FBXW2: variants seen among roughly 807,000 people sequenced by gnomAD.
FBXW2 encodes F-box/WD repeat-containing protein 2.
In FBXW2, 12 loss-of-function variants were observed where a neutral mutation model predicts 46.0. The ratio of observed to expected loss-of-function variants is 0.26; its 90% CI spans 0.17 to 0.42. The LOEUF is 0.42. Ranked by LOEUF, FBXW2 falls within the 10% of genes least tolerant of loss-of-function variation. The pLI, the probability that FBXW2 is intolerant of heterozygous loss-of-function variation, is 1.00. For synonymous variants in FBXW2, 203 were observed against 209.6 expected, an observed-to-expected ratio of 0.97 and a Z score of 0.27; for missense variants, 360 against 537.0, an observed-to-expected ratio of 0.67 and a Z score of 3.26.
At chr9:120,766,613 C>T (rs899499502) in intron 7 of FBXW2, among the ~76,000 whole-genome samples, 1 of 151,982 alleles carries the variant, frequency 6.6e-6, no homozygotes, top group Admixed American at 6.6e-5. Context: ...TACAGATGCC[C>T]GCCACCACGC....
chr9:120,764,435 T>G lies in FBXW2; in HGVS notation c.*124A>C, dbSNP rs77674362. 1.2e-3 allele frequency: 1,307 copies of G among 1,113,434 alleles called. 13 individuals carry two copies. The East Asian group carries it at 0.026, about 22-fold the overall frequency. 69.0% of individuals were successfully genotyped at this position (1,113,434 alleles called of 1,614,324 possible). A position where few individuals can be genotyped will look rare whatever the true frequency, so the allele number is the denominator to read the frequency against. ...CCCTGGCAAAACATAGATAAATGAT[T>G]GTGCACTGCGTGATGATACCATTAG... On this transcript the variant is annotated 3_prime_UTR_variant, in exon 8 of 8. Transcript: ENST00000608872.
At chr9:120,771,644 T>C (rs572114154) in intron 6 of FBXW2, 127 bp from the exon 7 acceptor site, 52 of 731,792 alleles carry the variant, frequency 7.1e-5, no homozygotes, top group Admixed American at 3.3e-4. Flanking sequence ...CCAGGTTTTA[T>C]AGCCAAGAAT....
chr9:120,787,971 C>G lies in FBXW2; in HGVS notation c.288G>C (p.Glu96Asp). The G allele has an allele frequency of 6.2e-7, 1 of 1,614,224 alleles. No individual in the cohort carries two copies. Among genetic ancestry groups the G allele is most frequent in the South Asian group, 1.1e-5 (1 of 91,086 alleles). Residue 96 changes from glutamate to aspartate, a missense_variant, in exon 3 of 8, where the codon GAG (glutamate) becomes GAC (aspartate). By Grantham distance (45) the Glu-to-Asp change is conservative. Coordinates refer to ENST00000608872, the MANE Select transcript of FBXW2 (RefSeq NM_012164.4). ...AATTTTTACATGCAGTCTGCCACAC[C>G]TCTGTACAGGCACTTATCACCTTAT... ...QWNKVISACT[E>D]VWQTACKNLG...
intron 3 of FBXW2, among the ~76,000 whole-genome samples, chr9:120,784,818 A>G (rs575138934): frequency 6.6e-6 from 1 of 150,610 alleles, no homozygotes; most frequent in Non-Finnish European, 1.5e-5. Flanking sequence ...CTACTGAGGA[A>G]GCTGAGGCGA....
rs538161017 is a variant in FBXW2, at chr9:120,772,425, G to A, written c.906+329C>T. On this transcript the variant is annotated intron_variant, in intron 6 of 7. Coordinates refer to ENST00000608872, the MANE Select transcript of FBXW2 (RefSeq NM_012164.4). ...GGAGAATCACTTGAACCCAGGGGGC[G>A]GAGGTTGCAGTGAGCCAATATTGTG... Among the ~76,000 whole-genome samples the A allele has an allele frequency of 1.8e-3, 269 of 151,986 alleles. 1 individual carries two copies. Among genetic ancestry groups the A allele is most frequent in the African/African-American group, 6.2e-3 (255 of 41,438 alleles).
At position 120,764,444 on chromosome 9, in the gene FBXW2, C is replaced by A; in HGVS notation, c.*115G>T. 8.4e-7 allele frequency: 1 copy of A among 1,187,756 alleles called. No individual in the cohort carries two copies. The highest frequency in any genetic ancestry group is 1.2e-6 in the Non-Finnish European group (1 of 831,004). The allele number at this position is 1,187,756 out of a possible 1,614,324, so 73.6% of individuals were successfully genotyped here. A position where few individuals can be genotyped will look rare whatever the true frequency, so the allele number is the denominator to read the frequency against. ...AACATAGATAAATGATTGTGCACTG[C>A]GTGATGATACCATTAGGTGAGAACT... On this transcript the variant is annotated 3_prime_UTR_variant, in exon 8 of 8. Transcript: ENST00000608872.
chr9:120,779,223 C>A (rs1032134666), intron 3 of FBXW2, among the ~76,000 whole-genome samples: 7 of 152,224 alleles, frequency 4.6e-5, no homozygotes, highest in Non-Finnish European at 1.0e-4. Flanking sequence ...GATGAAAATT[C>A]TATACTAATC....
Position 120,758,575 on chromosome 9 carries a change from CAGA to C in FBXW2, c.*5981_*5983del, listed in dbSNP as rs1392366871. 1.3e-5 allele frequency: 2 copies of C among 152,200 alleles called. No homozygotes were observed. The highest frequency in any genetic ancestry group is 2.9e-5 in the Non-Finnish European group (2 of 68,068). 9.4% of individuals were successfully genotyped at this position (152,200 alleles called of 1,614,324 possible). A position where few individuals can be genotyped will look rare whatever the true frequency, so the allele number is the denominator to read the frequency against. ...TCGGGATTTGAAGAGACTTGAAATA[CAGA>C]AAGAACAGACAAACATGAAAACATG... On this transcript the variant is annotated 3_prime_UTR_variant, in exon 8 of 8. Coordinates refer to ENST00000608872, the MANE Select transcript of FBXW2 (RefSeq NM_012164.4).
At position 120,762,700 on chromosome 9, in the gene FBXW2, C is replaced by G. The variant is rs1421247630; in HGVS notation, c.*1859G>C. 4 of 152,272 alleles carry G rather than the reference C, an allele frequency of 2.6e-5. No homozygotes were observed. Among genetic ancestry groups the G allele is most frequent in the Non-Finnish European group, 5.9e-5 (4 of 68,052 alleles). The allele number at this position is 152,272 out of a possible 1,614,324, so 9.4% of individuals were successfully genotyped here. A position where few individuals can be genotyped will look rare whatever the true frequency, so the allele number is the denominator to read the frequency against. On this transcript the variant is annotated 3_prime_UTR_variant, in exon 8 of 8. Transcript: ENST00000608872. ...TCCCCACTCTAGAGTTCACATCATT[C>G]TCAGCTCTGCCAGCAACCCTTTTTC...
At chr9:120,777,509 T>C (rs1339575786) in intron 4 of FBXW2, among the ~76,000 whole-genome samples, 2 of 152,174 alleles carry the variant, frequency 1.3e-5, no homozygotes, top group Non-Finnish European at 2.9e-5. Context: ...TGATGAGCGG[T>C]CTACAGTAAT....
intron 2 of FBXW2, chr9:120,792,410 T>C (rs1299166216): frequency 6.6e-6 from 1 of 152,616 alleles, no homozygotes; most frequent in Admixed American, 6.5e-5. Flanking sequence ...TACATATGCA[T>C]AAAATGTATT....
At position 120,772,851 on chromosome 9, in the gene FBXW2, A is replaced by C; in HGVS notation, c.820-11T>G. ...CTTCTGCAAAACTACCTGCAAATGT[A>C]AACCATGTTACGGAAAGATCCTTTT... On this transcript the variant is annotated splice_polypyrimidine_tract_variant and intron_variant, in intron 5 of 7. Coordinates refer to ENST00000608872, the MANE Select transcript of FBXW2 (RefSeq NM_012164.4). The C allele has an allele frequency of 6.3e-7, 1 of 1,591,410 alleles. No individual in the cohort carries two copies.
At chr9:120,769,446 ACT>A (rs1316063672) in intron 7 of FBXW2, among the ~76,000 whole-genome samples, 2 of 152,210 alleles carry the variant, frequency 1.3e-5, no homozygotes, top group African/African-American at 2.4e-5. Context: ...TCTATATGCC[ACT>A]CTGAGTCACA....
rs1275667767 is a variant in FBXW2, at chr9:120,773,554, T to C, written c.820-714A>G. 2.0e-5 allele frequency among the ~76,000 whole-genome samples: 3 copies of C among 152,286 alleles called. No individual in the cohort carries two copies. In the South Asian group the frequency reaches 6.2e-4, roughly 32 times the overall value. ...AATGTAAATTATAGTAGTAACAAAA[T>C]AAAAGCTAACATTCTGTTAGCACTT... On this transcript the variant is annotated intron_variant, in intron 5 of 7. Coordinates refer to ENST00000608872, the MANE Select transcript of FBXW2 (RefSeq NM_012164.4).
chr9:120,774,196 G>C (rs980987856), intron 5 of FBXW2, among the ~76,000 whole-genome samples: 1 of 152,090 alleles, frequency 6.6e-6, no homozygotes, highest in African/African-American at 2.4e-5. Flanking sequence ...AATTAGCCAG[G>C]CATGGTGGTG....
chr9:120,787,393 G>A (rs2044745518), intron 3 of FBXW2, among the ~76,000 whole-genome samples: 1 of 152,126 alleles, frequency 6.6e-6, no homozygotes, highest in Admixed American at 6.5e-5. Context: ...CTAACTACTT[G>A]CTAGGATTAG....
At chr9:120,781,606 A>G (rs1311742713) in intron 3 of FBXW2, among the ~76,000 whole-genome samples, 1 of 151,754 alleles carries the variant, frequency 6.6e-6, no homozygotes, top group African/African-American at 2.4e-5. Flanking sequence ...ACAAAATGTG[A>G]CACATACATG....
rs1234688920 is a variant in FBXW2 at position 120,764,054 on chromosome 9, A to T, written c.*505T>A. 1 of 215,304 alleles carries T rather than the reference A, an allele frequency of 4.6e-6. No homozygotes were observed. The highest frequency in any genetic ancestry group is 2.3e-5 in the African/African-American group (1 of 43,824). The allele number at this position is 215,304 out of a possible 1,614,324, so 13.3% of individuals were successfully genotyped here. On this transcript the variant is annotated 3_prime_UTR_variant, in exon 8 of 8. Coordinates refer to ENST00000608872, the MANE Select transcript of FBXW2 (RefSeq NM_012164.4). ...GCACTGGTATTTGGTGGAAGTTTAT[A>T]AACTGGTATTTGGTGGAAGTTTTAA... is the stretch of plus-strand genomic sequence containing the variant.
At chr9:120,765,475 T>C in intron 7 of FBXW2, among the ~76,000 whole-genome samples, 1 of 152,150 alleles carries the variant, frequency 6.6e-6, no homozygotes, top group East Asian at 1.9e-4. Context: ...AACAATCTAT[T>C]TTTAAGCTGT....
Sources: gnomAD v4.1 joint callset for allele counts (sites outside exome capture counted in the v4.1 genomes callset) on GRCh38, gnomAD v4.1.1 for gene constraint, MANE v1.5 for transcripts, NCBI Gene and HGNC (gene_info 2026-07-23, HGNC 2026-07-21) for gene names.